The following AK7 variants were observed in gnomAD, a reference collection of about 807,000 sequenced individuals.
AK7 encodes the protein ATP-AMP transphosphorylase 7.
Under a neutral mutation model 96.6 loss-of-function variants are expected in AK7, and 78 were observed. The ratio of observed to expected loss-of-function variants is 0.81; its 90% CI spans 0.67 to 0.97. The LOEUF is 0.97. AK7 is among the 50% of genes least tolerant of loss of function. AK7 has a pLI of 0.00. For missense variants in AK7, 855 were observed against 887.9 expected, an observed-to-expected ratio of 0.96 and a Z score of 0.47; for synonymous variants, 302 against 317.2, an observed-to-expected ratio of 0.95 and a Z score of 0.51.
chr14:96,458,136 G>A lies in AK7; in HGVS notation c.1281G>A (p.Glu427=). 1 of 1,614,016 alleles carries A rather than the reference G, an allele frequency of 6.2e-7. No homozygotes were observed. Among genetic ancestry groups the A allele is most frequent in the South Asian group, 1.1e-5 (1 of 91,076 alleles). The change falls in exon 12 of 18, where the codon GAG becomes GAA. Residue 427 remains glutamate, a synonymous_variant. Coordinates refer to ENST00000267584, the MANE Select transcript of AK7 (RefSeq NM_152327.5). ...GGGAAGGAGAAGAAGAAGTCGAAGA[G>A]GAAGAGGAGGAGGAGAATGTGGAAG... ...DVGEGEEEVE[E]EEEEENVEDA...
intron 12 of AK7, among the ~76,000 whole-genome samples, chr14:96,460,081 T>C (rs1334812549): frequency 6.6e-6 from 1 of 152,242 alleles, no homozygotes; most frequent in East Asian, 1.9e-4. Context: ...GCTGGTTCCA[T>C]TGCAACTCTT....
In AK7 at chr14:96,456,509, A is replaced by T. The variant is rs1430863384; in HGVS notation, c.1227+34A>T. On this transcript the variant is annotated intron_variant, in intron 11 of 17. Transcript: ENST00000267584. The stretch of plus-strand genomic sequence containing the variant: ...TTAAACTATTTTCCTGGGCATTTTA[A>T]TTAATTACTGTATTGTTCTTAGGGT... The T allele has an allele frequency of 3.1e-6, 5 of 1,603,574 alleles. No homozygotes were observed. In the South Asian group the frequency reaches 4.4e-5, roughly 14 times the overall value.
intron 12 of AK7, among the ~76,000 whole-genome samples, chr14:96,460,006 A>G (rs1894166667): frequency 6.6e-6 from 1 of 152,260 alleles, no homozygotes; most frequent in Non-Finnish European, 1.5e-5. Flanking sequence ...TGAACAAAGT[A>G]ATCACAGTAA....
At chr14:96,413,950 T>C (rs1165570623) in intron 4 of AK7, among the ~76,000 whole-genome samples, 1 of 152,206 alleles carries the variant, frequency 6.6e-6, no homozygotes, top group Non-Finnish European at 1.5e-5. Context: ...AAATCCTGAT[T>C]GATCCAAACT....
At chr14:96,475,129 G>T (rs1424235046) in intron 14 of AK7, among the ~76,000 whole-genome samples, 1 of 152,180 alleles carries the variant, frequency 6.6e-6, no homozygotes, top group Non-Finnish European at 1.5e-5. Context: ...GTGCAAACAC[G>T]TCTAAGACGT....
At chr14:96,392,346 C>T in intron 1 of AK7, 87 bp downstream of exon 1, 9 of 1,204,288 alleles carry the variant, frequency 7.5e-6, no homozygotes, top group Non-Finnish European at 1.1e-5. Context: ...CGAGGGTCTG[C>T]GCCCCAGGGC....
At chr14:96,424,238 C>A in intron 5 of AK7, 1 of 446,438 alleles carries the variant, frequency 2.2e-6, no homozygotes, top group Non-Finnish European at 4.0e-6. Context: ...GCGGAGCGCG[C>A]AGCCGGGAGT....
rs11449244 is a variant in AK7 at position 96,419,784 on chromosome 14, C to CTTTTTTTTTTTTTTT, written c.499-1034_499-1033insTTTTTTTTTTTTTTT. On this transcript the variant is annotated intron_variant, in intron 4 of 17. Transcript: ENST00000267584. ...TCTCCTAAAGCATTTTTTTTTCTTT[C>CTTTTTTTTTTTTTTT]TTTTCTTTTTTTTTTTTTTTTGAGA... 8.2e-4 allele frequency among the ~76,000 whole-genome samples: 83 copies of CTTTTTTTTTTTTTTT among 101,664 alleles called. 4 individuals are homozygous for CTTTTTTTTTTTTTTT. Among genetic ancestry groups the CTTTTTTTTTTTTTTT allele is most frequent in the Non-Finnish European group, 9.2e-4 (50 of 54,124 alleles). 66.7% of individuals were successfully genotyped at this position (101,664 alleles called of 152,430 possible).
chr14:96,442,359 A>G (rs1208200113), intron 6 of AK7, among the ~76,000 whole-genome samples: 1 of 152,242 alleles, frequency 6.6e-6, no homozygotes. Flanking sequence ...CATGCATGTG[A>G]AAACATTTCT....
At chr14:96,463,289 C>T (rs553281250) in intron 12 of AK7, among the ~76,000 whole-genome samples, 1 of 152,210 alleles carries the variant, frequency 6.6e-6, no homozygotes, top group Non-Finnish European at 1.5e-5. Context: ...TTCCACAAGA[C>T]TTTATTAAAC....
At chr14:96,392,306 C>G in intron 1 of AK7, 47 bp downstream of exon 1, 2 of 1,525,888 alleles carry the variant, frequency 1.3e-6, no homozygotes, top group South Asian at 2.3e-5. Context: ...TCTCAGCTCC[C>G]AGCCCTCGGC....
chr14:96,405,979 G>C (rs1461781664), intron 3 of AK7, among the ~76,000 whole-genome samples: 1 of 151,948 alleles, frequency 6.6e-6, no homozygotes, highest in African/African-American at 2.4e-5. Context: ...TGTAATGTAA[G>C]GACCTCAAGT....
chr14:96,423,413 T>C (rs1427691640), intron 5 of AK7, among the ~76,000 whole-genome samples: 3 of 152,234 alleles, frequency 2.0e-5, no homozygotes, highest in African/African-American at 7.2e-5. Flanking sequence ...TTCTTTAAAT[T>C]CTGGGTTGCT....
At chr14:96,400,107 C>T (rs1320006438) in intron 2 of AK7, among the ~76,000 whole-genome samples, 7 of 138,394 alleles carry the variant, frequency 5.1e-5, no homozygotes, top group African/African-American at 1.4e-4. Context: ...GGCGCGATCT[C>T]GGCTTACTGC....
intron 4 of AK7, among the ~76,000 whole-genome samples, chr14:96,416,106 G>C (rs375506507): frequency 6.6e-6 from 1 of 152,034 alleles, no homozygotes; most frequent in Non-Finnish European, 1.5e-5. Context: ...AATCCAGGCC[G>C]GGCACAGTGG....
intron 4 of AK7, among the ~76,000 whole-genome samples, chr14:96,419,069 A>G (rs1368367898): frequency 6.6e-6 from 1 of 152,186 alleles, no homozygotes; most frequent in Non-Finnish European, 1.5e-5. Flanking sequence ...AGGTTTTAAC[A>G]TAGTTATTTT....
At chr14:96,435,915 C>A (rs371067853) in intron 5 of AK7, among the ~76,000 whole-genome samples, 1 of 152,130 alleles carries the variant, frequency 6.6e-6, no homozygotes, top group Non-Finnish European at 1.5e-5. Flanking sequence ...GTGGCTTTGG[C>A]GATTCCAAAC....
Position 96,456,384 on chromosome 14 carries a change from G to T in AK7, c.1136G>T (p.Gly379Val). ...TGCATTCTTGGTCCCCCTGCTGTGGGAAAATCCAGTATTGCTAAAGAATTG... is the reference window on the plus strand; with the variant it reads ...TGCATTCTTGGTCCCCCTGCTGTGGTAAAATCCAGTATTGCTAAAGAATTG... ...KICILGPPAV[G>V]KSSIAKELAN... is the part of the protein sequence containing the mutation. Residue 379 changes from glycine to valine, a missense_variant, in exon 11 of 18, where the codon GGA becomes GTA. Transcript: ENST00000267584. 6.2e-7 allele frequency: 1 copy of T among 1,613,808 alleles called. No individual in the cohort carries two copies. Among genetic ancestry groups the T allele is most frequent in the Non-Finnish European group, 8.5e-7 (1 of 1,179,806 alleles).
chr14:96,457,948 T>C lies in AK7; in HGVS notation c.1228-135T>C, dbSNP rs1487331564. The C allele has an allele frequency of 2.4e-6, 3 of 1,239,958 alleles. No homozygotes were observed. In the East Asian group the frequency reaches 7.2e-5, roughly 30 times the overall value. 76.8% of individuals were successfully genotyped at this position (1,239,958 alleles called of 1,614,324 possible). A position where few individuals can be genotyped will look rare whatever the true frequency, so the allele number is the denominator to read the frequency against. On this transcript the variant is annotated intron_variant, in intron 11 of 17. Transcript: ENST00000267584. The stretch of plus-strand genomic sequence containing the variant: ...TTGTGGATATGTGCATCCTGCAAAA[T>C]TTTGCATGACAGCTGTCATAGGGTA...
Sources: allele counts gnomAD v4.1 joint callset (sites outside exome capture counted in the v4.1 genomes callset), GRCh38; gene constraint gnomAD v4.1.1; transcripts MANE v1.5; gene names NCBI Gene and HGNC (gene_info 2026-07-23, HGNC 2026-07-21).